The following C4orf50 variants were observed in gnomAD, a reference collection of about 807,000 sequenced individuals.
The protein encoded by C4orf50 is uncharacterized protein C4orf50.
Under a neutral mutation model 77.2 loss-of-function variants are expected in C4orf50, and 80 were observed. That is an observed-to-expected ratio of 1.04 (90% CI 0.87 to 1.25). The LOEUF (loss-of-function observed/expected upper bound fraction) is 1.25. Among genes scored for constraint, C4orf50 ranks in the 50% most tolerant of loss-of-function variants. The pLI is 0.00. For synonymous variants in C4orf50, 532 were observed against 465.3 expected (o/e 1.14, Z -1.84); for missense variants, 1,257 against 1,152.9 (o/e 1.09, Z -1.31).
intron 7 of C4orf50, among the ~76,000 whole-genome samples, chr4:5,914,911 C>T (rs1397370096): frequency 6.6e-6 from 1 of 152,196 alleles, no homozygotes; most frequent in Admixed American, 6.5e-5. Flanking sequence ...TAGTCTATTT[C>T]CCTACTAGGA....
At chr4:5,976,671 C>G (rs953916826) in intron 29 of C4orf50, among the ~76,000 whole-genome samples, 1 of 152,194 alleles carries the variant, frequency 6.6e-6, no homozygotes, top group Non-Finnish European at 1.5e-5. Flanking sequence ...CTGCCTCAGT[C>G]TTCTCATCTG....
chr4:5,914,471 T>C (rs1716951266), intron 7 of C4orf50, among the ~76,000 whole-genome samples: 1 of 152,222 alleles, frequency 6.6e-6, no homozygotes, highest in South Asian at 2.1e-4. Flanking sequence ...CCCAAAGTGC[T>C]GGGATTACAG....
Position 5,920,396 on chromosome 4 carries a change from G to A in C4orf50, c.*2475-22208C>T, listed in dbSNP as rs1027060876. ...GCGCCTGGTGCCTATAACAGGGTCT[G>A]GAACATGGCAGGTACCTACTTCATG... On this transcript the variant is annotated intron_variant, in intron 7 of 7. Transcript: ENST00000324058. 2.0e-5 allele frequency among the ~76,000 whole-genome samples: 3 copies of A among 152,094 alleles called. No individual in the cohort carries two copies. The South Asian group carries it at 6.2e-4, about 32-fold the overall frequency.
rs146231556 is a variant in C4orf50, at chr4:5,935,885, G to T, written c.*2474+21016C>A. Among the ~76,000 whole-genome samples, 489 of 151,164 alleles carry T rather than the reference G, an allele frequency of 3.2e-3. 3 individuals are homozygous for T. The highest frequency in any genetic ancestry group is 0.011 in the African/African-American group (469 of 41,100). ...ATGAAGACATAAGATGTATTTGTCAGGAAGGTTAAGTTCCCCCAAGAACAT... is the reference window on the plus strand; with the variant it reads ...ATGAAGACATAAGATGTATTTGTCATGAAGGTTAAGTTCCCCCAAGAACAT... On this transcript the variant is annotated intron_variant, in intron 7 of 7. Transcript: ENST00000324058.
At position 5,970,889 on chromosome 4, in the gene C4orf50, T is replaced by C. The variant is rs956982100; in HGVS notation, c.4104+2770A>G. Among the ~76,000 whole-genome samples the C allele has an allele frequency of 2.0e-5, 3 of 152,070 alleles. No individual in the cohort carries two copies. Among genetic ancestry groups the C allele is most frequent in the Admixed American group, 6.5e-5 (1 of 15,284 alleles). Reference sequence around the variant, plus strand: ...TGGGAGGGTGGAGTAAGCAGATCCATGGAGAGCGTGCGAGGGGGAGGGCAG... The same window carrying C: ...TGGGAGGGTGGAGTAAGCAGATCCACGGAGAGCGTGCGAGGGGGAGGGCAG... On this transcript the variant is annotated intron_variant, in intron 31 of 33. Transcript: ENST00000531445. This position sits in a 1 kb window ranked among gnomAD's most constrained non-coding sequence, Gnocchi z 4.3.
intron 28 of C4orf50, among the ~76,000 whole-genome samples, chr4:5,987,543 G>T (rs941896121): frequency 1.3e-5 from 2 of 151,504 alleles, no homozygotes; most frequent in African/African-American, 2.4e-5. Context: ...CATTGTTGGG[G>T]GTGGGGAGGA....
chr4:5,981,565 C>T (rs549913460), intron 28 of C4orf50, among the ~76,000 whole-genome samples: 3 of 152,088 alleles, frequency 2.0e-5, no homozygotes, highest in African/African-American at 4.8e-5. Context: ...CCACCACACC[C>T]GGCTAATTTT....
At chr4:6,003,641 GTGATAGTGA>G (rs1721949047) in intron 25 of C4orf50, among the ~76,000 whole-genome samples, 1 of 128,818 alleles carries the variant, frequency 7.8e-6, no homozygotes, top group Non-Finnish European at 1.6e-5. Context: ...CGGTGATGAT[GTGATAGTGA>G]TGATGGTGAT....
intron 7 of C4orf50, among the ~76,000 whole-genome samples, chr4:5,917,471 T>C (rs1361226025): frequency 7.3e-6 from 1 of 136,880 alleles, no homozygotes; most frequent in Non-Finnish European, 1.5e-5. Context: ...TAGAGTGCAA[T>C]GGCACGATCT....
At chr4:6,013,074 C>T (rs1722549960) in intron 23 of C4orf50, among the ~76,000 whole-genome samples, 1 of 152,168 alleles carries the variant, frequency 6.6e-6, no homozygotes, top group African/African-American at 2.4e-5. Context: ...GCACTATGAC[C>T]CTCAGTAACT....
intron 29 of C4orf50, among the ~76,000 whole-genome samples, chr4:5,979,337 T>C (rs1379230438): frequency 1.3e-5 from 2 of 152,240 alleles, no homozygotes; most frequent in African/African-American, 4.8e-5. Flanking sequence ...TTTGGCCTCA[T>C]GATGACATAA....
At chr4:5,995,363 C>G (rs764008189) in intron 25 of C4orf50, among the ~76,000 whole-genome samples, 1 of 152,168 alleles carries the variant, frequency 6.6e-6, no homozygotes, top group African/African-American at 2.4e-5. Context: ...CGCCCTGTCC[C>G]CTGGACTTCT....
chr4:5,996,515 C>A (rs143637868), intron 25 of C4orf50, among the ~76,000 whole-genome samples: 16 of 150,434 alleles, frequency 1.1e-4, no homozygotes, highest in Admixed American at 4.0e-4. Context: ...AGAGCCTTTG[C>A]ACACTGTCTG....
intron 25 of C4orf50, among the ~76,000 whole-genome samples, chr4:6,004,838 A>ATGGTGATGGGGATGG (rs1553920371): frequency 6.7e-6 from 1 of 150,164 alleles, no homozygotes; most frequent in Non-Finnish European, 1.5e-5. Flanking sequence ...TGATGATGTG[A>ATGGTGATGGGGATGG]TGGTGATGGT....
At chr4:6,004,209 A>G (rs200464959) in intron 25 of C4orf50, among the ~76,000 whole-genome samples, 143 of 60,974 alleles carry the variant, frequency 2.3e-3, no homozygotes, top group East Asian at 7.6e-3. Flanking sequence ...GATGGTGATG[A>G]TGGTGATGGT....
chr4:5,915,110 A>AC (rs1716976560), intron 7 of C4orf50, among the ~76,000 whole-genome samples: 1 of 151,810 alleles, frequency 6.6e-6, no homozygotes, highest in African/African-American at 2.4e-5. Context: ...CCTCCTAACG[A>AC]CCCTCCAGGG....
At chr4:5,976,435 G>A (rs1322192168) in intron 29 of C4orf50, among the ~76,000 whole-genome samples, 7 of 141,082 alleles carry the variant, frequency 5.0e-5, no homozygotes, top group Admixed American at 1.5e-4. Flanking sequence ...CAGCCTGGGC[G>A]AGAGAGCGAG....
chr4:5,919,009 G>A lies in C4orf50; in HGVS notation c.*2475-20821C>T, dbSNP rs892318457. ...TGCACAGATGGGGAAACTGAGACCC[G>A]GAGGAGTCAAAGGGCTTGCCCAAGT... On this transcript the variant is annotated intron_variant, in intron 7 of 7. Coordinates refer to the C4orf50 transcript ENST00000324058. This position sits in a 1 kb window ranked among gnomAD's most constrained non-coding sequence, Gnocchi z 6.5. Among the ~76,000 whole-genome samples, 4 of 152,244 alleles carry A rather than the reference G, an allele frequency of 2.6e-5. No homozygotes were observed. Among genetic ancestry groups the A allele is most frequent in the Non-Finnish European group, 2.9e-5 (2 of 68,012 alleles).
intron 7 of C4orf50, among the ~76,000 whole-genome samples, chr4:5,927,604 TG>T (rs1178514962): frequency 6.6e-6 from 1 of 151,774 alleles, no homozygotes; most frequent in Non-Finnish European, 1.5e-5. Context: ...GGTTTGAAAG[TG>T]GGAGTTTACC....
Sources: gnomAD v4.1 joint callset for allele counts (sites outside exome capture counted in the v4.1 genomes callset) on GRCh38, gnomAD v4.1.1 for gene constraint, Gnocchi (gnomAD v3.1) non-coding constraint, MANE v1.5 for transcripts, NCBI Gene and HGNC (gene_info 2026-07-23, HGNC 2026-07-21) for gene names.